ATAD5: variants seen among roughly 807,000 people sequenced by gnomAD.
ATAD5 encodes the protein ATPase family AAA domain-containing protein 5.
Under a neutral mutation model 176.9 loss-of-function variants are expected in ATAD5, and 58 were observed. The observed-to-expected ratio is 0.33, with a 90% CI of 0.27 to 0.41. ATAD5 has a LOEUF of 0.41. ATAD5 is among the 10% of genes least tolerant of loss of function. The pLI is 1.00. For missense variants in ATAD5, 1,789 were observed against 2,094.1 expected (o/e 0.85, Z 2.84); for synonymous variants, 640 against 712.6 (o/e 0.90, Z 1.62).
rs775378966 is a variant in ATAD5, at chr17:30,835,780, A to T, written c.1699A>T (p.Ile567Leu). The stretch of plus-strand genomic sequence containing the variant: ...TAATAAATTGTCAAGAAAAACCAGC[A>T]TACCAGTTAAAGATATTAAGCTTAC... ...NNNKLSRKTS[I>L]PVKDIKLTQS... Residue 567 changes from isoleucine to leucine, a missense_variant, in exon 2 of 23, where the codon ATA becomes TTA. By Grantham distance (5) the Ile-to-Leu change is conservative (BLOSUM62 2). Transcript: ENST00000321990. 5.0e-5 allele frequency: 81 copies of T among 1,613,492 alleles called. No homozygotes were observed. In the South Asian group the frequency reaches 8.8e-4, roughly 18 times the overall value.
At position 30,874,548 on chromosome 17, in the gene ATAD5, C is replaced by CAAAAAA. The variant is rs1298663817; in HGVS notation, c.3608-1814_3608-1809dup. On this transcript the variant is annotated intron_variant, in intron 14 of 22. Coordinates refer to ENST00000321990, the MANE Select transcript of ATAD5 (RefSeq NM_024857.5). ...GAGTGAGACTCCATCTCAAAAGAAA[C>CAAAAAA]AAAAAAAAAAAAAAAAAGAGGAAAA... 1.4e-4 allele frequency among the ~76,000 whole-genome samples: 10 copies of CAAAAAA among 70,170 alleles called. 1 individual carries two copies. In the South Asian group the frequency reaches 4.7e-3, roughly 33 times the overall value. 46.0% of individuals were successfully genotyped at this position (70,170 alleles called of 152,430 possible).
Position 30,857,100 on chromosome 17 carries a change from C to G in ATAD5, c.2781C>G (p.Asn927Lys). ...TGAATTCAAAGTTGAAAAGCGGTAACTCTGCTGCTGTGGTAAGTATTAAAT... is the reference window on the plus strand; with the variant it reads ...TGAATTCAAAGTTGAAAAGCGGTAAGTCTGCTGCTGTGGTAAGTATTAAAT... ...STLNSKLKSG[N>K]SAAVFMRTRK... The change falls in exon 8 of 23, where the codon AAC becomes AAG. Residue 927 changes from asparagine to lysine, a missense_variant. This residue lies in a region of ATAD5 where 487 missense variants were observed against 573.6 expected (regional missense o/e 0.85). Transcript: ENST00000321990. 1 of 1,610,882 alleles carries G rather than the reference C, an allele frequency of 6.2e-7. No homozygotes were observed. Among genetic ancestry groups the G allele is most frequent in the Non-Finnish European group, 8.5e-7 (1 of 1,179,398 alleles).
chr17:30,878,902 T>A (rs1476591151), intron 17 of ATAD5, among the ~76,000 whole-genome samples: 1 of 151,920 alleles, frequency 6.6e-6, no homozygotes, highest in African/African-American at 2.4e-5. Context: ...CAGCTAATTT[T>A]TGTATTTTTA....
In ATAD5 at chr17:30,867,798, T is replaced by C. The variant is rs115993825; in HGVS notation, c.3234-535T>C. ...GGCTAATGTTTTTTGTAGAGACAGG[T>C]TTCGCTGTGTTGCCCAGGCTGGTTG... On this transcript the variant is annotated intron_variant, in intron 11 of 22. Coordinates refer to ENST00000321990, the MANE Select transcript of ATAD5 (RefSeq NM_024857.5). Among the ~76,000 whole-genome samples the C allele has an allele frequency of 2.9e-3, 440 of 152,176 alleles. 3 individuals carry two copies. Among genetic ancestry groups the C allele is most frequent in the African/African-American group, 0.01 (425 of 41,532 alleles).
chr17:30,836,176 A>T (rs1371549752), intron 2 of ATAD5, 128 bp downstream of exon 2: 3 of 823,912 alleles, frequency 3.6e-6, no homozygotes, highest in African/African-American at 1.8e-5. Flanking sequence ...AAAGAACAGG[A>T]TTTCTTTTTT....
chr17:30,835,486 A>G lies in ATAD5; in HGVS notation c.1405A>G (p.Ser469Gly), dbSNP rs760537035. 1.2e-6 allele frequency: 2 copies of G among 1,607,894 alleles called. No individual in the cohort carries two copies. Among genetic ancestry groups the G allele is most frequent in the Admixed American group, 1.7e-5 (1 of 58,864 alleles). The change falls in exon 2 of 23, where the codon AGT (serine) becomes GGT (glycine). Residue 469 changes from serine (S) to glycine (G), a missense_variant. Ser to Gly is a moderately conservative substitution (Grantham distance 56). Coordinates refer to ENST00000321990, the MANE Select transcript of ATAD5 (RefSeq NM_024857.5). ...GNLQLHTDKG[S>G]FLKEKNKKLK... ...TTTACAGTTACACACTGATAAAGGA[A>G]GTTTTCTGAAGGAGAAAAATAAAAA...
At chr17:30,881,599 G>A (rs1405323304) in intron 18 of ATAD5, among the ~76,000 whole-genome samples, 1 of 151,974 alleles carries the variant, frequency 6.6e-6, no homozygotes, top group African/African-American at 2.4e-5. Context: ...CACCGCGCCC[G>A]ACCCTGTTCT....
At chr17:30,834,110 G>A in intron 1 of ATAD5, 38 bp from the exon 2 acceptor site, 1 of 1,438,684 alleles carries the variant, frequency 7.0e-7, no homozygotes, top group Non-Finnish European at 9.3e-7. Context: ...GTATTATATT[G>A]CTTGAAATAA....
chr17:30,874,998 G>A (rs1251990667), intron 14 of ATAD5, among the ~76,000 whole-genome samples: 1 of 152,174 alleles, frequency 6.6e-6, no homozygotes, highest in South Asian at 2.1e-4. Flanking sequence ...TTTTTGAAAT[G>A]ATGGTCATGT....
At chr17:30,861,284 T>C (rs1567688609) in intron 10 of ATAD5, among the ~76,000 whole-genome samples, 1 of 148,274 alleles carries the variant, frequency 6.7e-6, no homozygotes, top group Admixed American at 7.0e-5. Flanking sequence ...TATTAACATC[T>C]TCCATTCCTG....
rs1295671487 is a variant in ATAD5, at chr17:30,860,318, C to T, written c.2957-115C>T. The T allele has an allele frequency of 3.3e-6, 4 of 1,229,412 alleles. No homozygotes were observed. In the South Asian group the frequency reaches 4.6e-5, roughly 14 times the overall value. The allele number at this position is 1,229,412 out of a possible 1,614,324, so 76.2% of individuals were successfully genotyped here. A position where few individuals can be genotyped will look rare whatever the true frequency, so the allele number is the denominator to read the frequency against. ...GGATTAGAGGCCTGAGCCACTGCAC[C>T]TGGATTGCCTTTGCATTTTAAAGTT... On this transcript the variant is annotated intron_variant, in intron 9 of 22. Coordinates refer to ENST00000321990, the MANE Select transcript of ATAD5 (RefSeq NM_024857.5).
intron 10 of ATAD5, chr17:30,863,984 A>G (rs963275346): frequency 6.6e-6 from 1 of 152,042 alleles, no homozygotes; most frequent in Non-Finnish European, 1.5e-5. Context: ...TATTTTTAGT[A>G]GAGATGGGGT....
At chr17:30,879,324 G>A in intron 17 of ATAD5, 99 bp from the exon 18 acceptor site, 1 of 1,352,222 alleles carries the variant, frequency 7.4e-7, no homozygotes, top group Non-Finnish European at 1.0e-6. Flanking sequence ...TGGGGAGGCG[G>A]GTGCTGAATA....
chr17:30,844,088 T>TTTTTG lies in ATAD5; in HGVS notation c.2368+64_2368+68dup, dbSNP rs758171029. On this transcript the variant is annotated intron_variant, in intron 5 of 22. Transcript: ENST00000321990. The stretch of plus-strand genomic sequence containing the variant: ...TGATGTATATTAGAATGTTTTGGGG[T>TTTTTG]TTTTGTTTTGTTTTGTTTTTGTGTT... 3 of 1,342,030 alleles carry TTTTTG rather than the reference T, an allele frequency of 2.2e-6. No individual in the cohort carries two copies. The East Asian group carries it at 8.0e-5, about 36-fold the overall frequency. The allele number at this position is 1,342,030 out of a possible 1,614,324, so 83.1% of individuals were successfully genotyped here.
intron 10 of ATAD5, chr17:30,864,895 T>C (rs984828068): frequency 2.6e-5 from 4 of 151,972 alleles, no homozygotes; most frequent in African/African-American, 4.8e-5. Flanking sequence ...AATCCACCAT[T>C]TTTGGGCACT....
Position 30,894,164 on chromosome 17 carries a change from C to A in ATAD5, c.5297+14C>A, listed in dbSNP as rs772321513. On this transcript the variant is annotated intron_variant, in intron 21 of 22. Coordinates refer to ENST00000321990, the MANE Select transcript of ATAD5 (RefSeq NM_024857.5). ...AGCTAATTTAGAGTAAGTCTTACTT[C>A]CTTTACTTTTTATTTTTTGGTAATA... 2.0e-6 allele frequency: 3 copies of A among 1,511,062 alleles called. No individual in the cohort carries two copies. 93.6% of individuals were successfully genotyped at this position (1,511,062 alleles called of 1,614,324 possible). A position where few individuals can be genotyped will look rare whatever the true frequency, so the allele number is the denominator to read the frequency against.
At chr17:30,885,883 T>G (rs926246321) in intron 18 of ATAD5, among the ~76,000 whole-genome samples, 1 of 152,070 alleles carries the variant, frequency 6.6e-6, no homozygotes, top group African/African-American at 2.4e-5. Context: ...CTCAAAGTGC[T>G]GGGATTACAT....
chr17:30,835,896 TACAGAA>T lies in ATAD5; in HGVS notation c.1818_1823del (p.Glu607_Thr608del), dbSNP rs944769885. The T allele has an allele frequency of 3.7e-6, 6 of 1,614,000 alleles. No homozygotes were observed. The highest frequency in any genetic ancestry group is 1.3e-5 in the African/African-American group (1 of 74,936). On this transcript the variant is annotated inframe_deletion, in exon 2 of 23. Coordinates refer to ENST00000321990, the MANE Select transcript of ATAD5 (RefSeq NM_024857.5). ...CTGGAAGAATTAGCAGCACACCTAC[TACAGAA>T]ACCATTAGAGGTATTGATTCTGACG... is the stretch of plus-strand genomic sequence containing the variant.
chr17:30,858,847 A>G (rs1337685095), intron 9 of ATAD5, among the ~76,000 whole-genome samples: 1 of 151,980 alleles, frequency 6.6e-6, no homozygotes, highest in East Asian at 1.9e-4. Flanking sequence ...CACCTAGCTT[A>G]TTTTATTTTT....
Sources: allele counts gnomAD v4.1 joint callset (sites outside exome capture counted in the v4.1 genomes callset), GRCh38; gene constraint gnomAD v4.1.1; regional missense constraint gnomAD v4.1.1; transcripts MANE v1.5; gene names NCBI Gene and HGNC (gene_info 2026-07-23, HGNC 2026-07-21).